Variants in RGL1 observed in about 807,000 individuals in gnomAD.
The protein encoded by RGL1 is ral guanine nucleotide dissociation stimulator-like 1.
Under a neutral mutation model 95.2 loss-of-function variants are expected in RGL1, and 24 were observed. That is an observed-to-expected ratio of 0.25 (90% confidence interval 0.18 to 0.35). The LOEUF (loss-of-function observed/expected upper bound fraction) is 0.35. RGL1 is among the 10% of genes least tolerant of loss of function. The pLI is 1.00. For synonymous variants in RGL1, 329 were observed against 344.9 expected (o/e 0.95, Z 0.51); for missense variants, 715 against 936.3 (o/e 0.76, Z 3.08).
intron 1 of RGL1, among the ~76,000 whole-genome samples, chr1:183,725,887 A>G (rs1277074501): frequency 2.0e-5 from 3 of 152,242 alleles, no homozygotes; most frequent in Non-Finnish European, 4.4e-5. Context: ...TGGAGCATTT[A>G]CCAAGATAGA....
At chr1:183,912,713 T>A (rs915902867) in intron 15 of RGL1, among the ~76,000 whole-genome samples, 3 of 152,212 alleles carry the variant, frequency 2.0e-5, no homozygotes, top group Non-Finnish European at 4.4e-5. Context: ...GGTTGGCTGA[T>A]CTAGGTTGGG....
At chr1:183,822,879 T>C (rs953620454) in intron 2 of RGL1, among the ~76,000 whole-genome samples, 1 of 152,214 alleles carries the variant, frequency 6.6e-6, no homozygotes, top group Admixed American at 6.5e-5. Context: ...ACACTTCAGC[T>C]AACTGGGCTA....
intron 2 of RGL1, among the ~76,000 whole-genome samples, chr1:183,757,937 G>C (rs765905680): frequency 1.8e-4 from 28 of 152,124 alleles, no homozygotes; most frequent in African/African-American, 6.5e-4. Flanking sequence ...TTCTTGTCCA[G>C]ACCATAACCA....
At chr1:183,791,734 T>C (rs888570182) in intron 2 of RGL1, among the ~76,000 whole-genome samples, 4 of 152,360 alleles carry the variant, frequency 2.6e-5, no homozygotes, top group Admixed American at 2.6e-4. Context: ...GTCTGAAGTA[T>C]TCTAAAGTCC....
intron 1 of RGL1, among the ~76,000 whole-genome samples, chr1:183,721,014 T>C (rs910151098): frequency 6.6e-6 from 1 of 152,164 alleles, no homozygotes; most frequent in Non-Finnish European, 1.5e-5. Context: ...TGAGATATCC[T>C]GGTGGAAATG....
intron 2 of RGL1, among the ~76,000 whole-genome samples, chr1:183,788,739 A>G (rs1305731285): frequency 6.6e-6 from 1 of 152,262 alleles, no homozygotes; most frequent in Non-Finnish European, 1.5e-5. Context: ...ATATTATACT[A>G]TTAAAACAAA....
intron 1 of RGL1, among the ~76,000 whole-genome samples, chr1:183,728,113 G>T (rs1240247736): frequency 6.6e-6 from 1 of 152,108 alleles, no homozygotes; most frequent in Non-Finnish European, 1.5e-5. Flanking sequence ...TTTTAAGCTG[G>T]GACATTGGTC....
At chr1:183,907,206 C>T (rs1668385996) in intron 14 of RGL1, 105 bp downstream of exon 14, 2 of 691,450 alleles carry the variant, frequency 2.9e-6, no homozygotes, top group Non-Finnish European at 5.2e-6. Context: ...AAGTGAAGAG[C>T]ACTCCGCTCA....
rs558051612 is a variant in RGL1 at position 183,788,844 on chromosome 1, G to A, written c.133-17531G>A. Reference sequence around the variant, plus strand: ...ACATGTGTGTGAACTAGGGGGGCACGTCCAGGATTCTTTTTAATCTGTGCT... The same window carrying A: ...ACATGTGTGTGAACTAGGGGGGCACATCCAGGATTCTTTTTAATCTGTGCT... On this transcript the variant is annotated intron_variant, in intron 2 of 18. Transcript: ENST00000304685. Among the ~76,000 whole-genome samples, 16 of 152,240 alleles carry A rather than the reference G, an allele frequency of 1.1e-4. No homozygotes were observed. In the South Asian group the frequency reaches 1.5e-3, roughly 14 times the overall value.
chr1:183,734,679 C>T (rs1656824242), intron 1 of RGL1, among the ~76,000 whole-genome samples: 1 of 152,172 alleles, frequency 6.6e-6, no homozygotes, highest in South Asian at 2.1e-4. Flanking sequence ...AATTGTGAAA[C>T]ATTTGAGCCT....
At chr1:183,746,188 A>T (rs777862164) in intron 2 of RGL1, among the ~76,000 whole-genome samples, 5 of 152,134 alleles carry the variant, frequency 3.3e-5, no homozygotes, top group African/African-American at 4.8e-5. Context: ...GAACTGTTTC[A>T]CCTACTATCT....
chr1:183,774,764 C>T lies in RGL1; in HGVS notation c.133-31611C>T, dbSNP rs373711562. Among the ~76,000 whole-genome samples, 30 of 151,846 alleles carry T rather than the reference C, an allele frequency of 2.0e-4. No homozygotes were observed. The South Asian group carries it at 4.2e-3, about 21-fold the overall frequency. ...CTAATTTTTGTATCTTTAGTAGAGACGGGGTGTCACCAAATTGGCCAGGCT... is the reference window on the plus strand; with the variant it reads ...CTAATTTTTGTATCTTTAGTAGAGATGGGGTGTCACCAAATTGGCCAGGCT... On this transcript the variant is annotated intron_variant, in intron 2 of 18. Coordinates refer to the RGL1 transcript ENST00000304685.
intron 13 of RGL1, among the ~76,000 whole-genome samples, chr1:183,906,482 T>G (rs181940910): frequency 1.3e-3 from 203 of 151,892 alleles, no homozygotes; most frequent in African/African-American, 4.4e-3. Context: ...TAAATAAATA[T>G]ATATATATAT....
At chr1:183,916,834 G>A in intron 16 of RGL1, 133 bp downstream of exon 16, 7 of 1,009,956 alleles carry the variant, frequency 6.9e-6, no homozygotes, top group Non-Finnish European at 8.5e-6. Flanking sequence ...TCACACAGAA[G>A]GGATGTGTGT....
intron 8 of RGL1, among the ~76,000 whole-genome samples, chr1:183,890,428 C>A (rs1473293957): frequency 6.6e-6 from 1 of 152,168 alleles, no homozygotes; most frequent in Non-Finnish European, 1.5e-5. Flanking sequence ...CTCTAAGCTG[C>A]ATTCTGTGTA....
At chr1:183,875,828 G>A (rs547386233) in intron 4 of RGL1, among the ~76,000 whole-genome samples, 6 of 143,602 alleles carry the variant, frequency 4.2e-5, no homozygotes, top group African/African-American at 1.1e-4. Flanking sequence ...GCAGTGAGCC[G>A]AGATTGCGCC....
At chr1:183,688,060 T>G (rs779486753) in intron 1 of RGL1, among the ~76,000 whole-genome samples, 1 of 152,172 alleles carries the variant, frequency 6.6e-6, no homozygotes, top group African/African-American at 2.4e-5. Context: ...GGCTTGTTAT[T>G]TCTGTTGGTG....
intron 14 of RGL1, among the ~76,000 whole-genome samples, chr1:183,907,447 T>G (rs1254497002): frequency 6.6e-6 from 1 of 152,224 alleles, no homozygotes; most frequent in Non-Finnish European, 1.5e-5. Context: ...AAAACCCCTA[T>G]AGCTTTTATT....
chr1:183,796,017 A>C (rs1660680809), intron 2 of RGL1, among the ~76,000 whole-genome samples: 3 of 152,100 alleles, frequency 2.0e-5, no homozygotes, highest in Admixed American at 2.0e-4. Context: ...GATGATAGAC[A>C]ACATTATCTA....
Sources: allele counts gnomAD v4.1 joint callset (sites outside exome capture counted in the v4.1 genomes callset), GRCh38; gene constraint gnomAD v4.1.1; transcripts MANE v1.5; gene names NCBI Gene and HGNC (gene_info 2026-07-23, HGNC 2026-07-21).